Variants in PBX1 observed in about 807,000 individuals in gnomAD.
PBX1 encodes pre-B-cell leukemia transcription factor 1.
A neutral mutation model predicts 53.4 loss-of-function variants in PBX1; 6 were observed. The observed-to-expected ratio is 0.11, with a 90% CI of 0.06 to 0.22. The LOEUF is 0.22. PBX1 is among the 10% of genes least tolerant of loss of function. PBX1 has a pLI of 1.00. For missense variants in PBX1, 251 were observed against 551.4 expected, an observed-to-expected ratio of 0.46 and a Z score of 5.46; for synonymous variants, 204 against 212.3, an observed-to-expected ratio of 0.96 and a Z score of 0.34.
intron 2 of PBX1, among the ~76,000 whole-genome samples, chr1:164,711,569 C>T (rs959093092): frequency 3.3e-5 from 5 of 152,214 alleles, no homozygotes; most frequent in Admixed American, 2.6e-4. Context: ...GGCTAGTTTT[C>T]TCTTTTTGTC....
chr1:164,559,695 TC>T lies in PBX1; in HGVS notation c.-123del. The T allele has an allele frequency of 1.6e-6, 1 of 629,506 alleles. No homozygotes were observed. Among genetic ancestry groups the T allele is most frequent in the Non-Finnish European group, 2.5e-6 (1 of 395,094 alleles). The allele number at this position is 629,506 out of a possible 1,614,324, so 39.0% of individuals were successfully genotyped here. A position where few individuals can be genotyped will look rare whatever the true frequency, so the allele number is the denominator to read the frequency against. The stretch of plus-strand genomic sequence containing the variant: ...TTTTTTTTCTTTTGGTCTTCTTTTT[TC>T]CCCCTTCCCTGTTTATCCTGAAAAG... On this transcript the variant is annotated 5_prime_UTR_variant, in exon 1 of 9. Transcript: ENST00000420696.
intron 2 of PBX1, among the ~76,000 whole-genome samples, chr1:164,694,790 A>G (rs4657370): frequency 0.26 from 40,147 of 152,126 alleles, 5,455 homozygotes; most frequent in African/African-American, 0.29. Flanking sequence ...ACTTTATGCC[A>G]AGACTTATAA....
chr1:164,843,547 G>A (rs1468721018), intron 8 of PBX1, among the ~76,000 whole-genome samples: 2 of 151,936 alleles, frequency 1.3e-5, no homozygotes, highest in Non-Finnish European at 2.9e-5. Context: ...ATTTATGGTT[G>A]GAGGGGGAGT....
intron 2 of PBX1, among the ~76,000 whole-genome samples, chr1:164,710,990 C>T (rs1396728546): frequency 6.6e-6 from 1 of 152,226 alleles, no homozygotes; most frequent in Non-Finnish European, 1.5e-5. Context: ...AGGGGCAACA[C>T]AGAGTGCATC....
At chr1:164,766,758 G>C (rs988582871) in intron 2 of PBX1, among the ~76,000 whole-genome samples, 1 of 141,764 alleles carries the variant, frequency 7.1e-6, no homozygotes, top group Non-Finnish European at 1.5e-5. Flanking sequence ...TTTTGAGACA[G>C]AGTCTGGCTC....
At chr1:164,750,509 C>T (rs535251934) in intron 2 of PBX1, among the ~76,000 whole-genome samples, 2 of 152,138 alleles carry the variant, frequency 1.3e-5, no homozygotes, top group South Asian at 4.2e-4. Context: ...AAAAAATAGA[C>T]CCATAGTTGG....
At chr1:164,588,473 C>CTT (rs371768861) in intron 2 of PBX1, among the ~76,000 whole-genome samples, 11,655 of 72,166 alleles carry the variant, frequency 0.16, 2,317 homozygotes, top group Non-Finnish European at 0.24. Context: ...CCGGACTAAG[C>CTT]TTTTTTTTTT....
At chr1:164,831,246 A>G (rs9887944) in intron 8 of PBX1, among the ~76,000 whole-genome samples, 20,740 of 152,118 alleles carry the variant, frequency 0.14, 2,029 homozygotes, top group East Asian at 0.27. Context: ...ACAACAGTAC[A>G]TTTTCTCCTA....
At chr1:164,602,254 C>T (rs1448547940) in intron 2 of PBX1, among the ~76,000 whole-genome samples, 1 of 152,120 alleles carries the variant, frequency 6.6e-6, no homozygotes, top group Admixed American at 6.5e-5. Context: ...TAAGGGATGA[C>T]TAGAAAGGCT....
chr1:164,670,894 C>G (rs1661076994), intron 2 of PBX1, among the ~76,000 whole-genome samples: 1 of 152,192 alleles, frequency 6.6e-6, no homozygotes, highest in South Asian at 2.1e-4. Context: ...TTTGCAAAGG[C>G]AGCAGTGCCT....
At chr1:164,619,779 T>G (rs933781995) in intron 2 of PBX1, among the ~76,000 whole-genome samples, 2 of 152,214 alleles carry the variant, frequency 1.3e-5, no homozygotes, top group African/African-American at 4.8e-5. Flanking sequence ...AAAAAAATCC[T>G]GTTTTTAGAT....
At chr1:164,764,118 G>A (rs1666939570) in intron 2 of PBX1, among the ~76,000 whole-genome samples, 1 of 152,014 alleles carries the variant, frequency 6.6e-6, no homozygotes, top group African/African-American at 2.4e-5. Context: ...CAAGTACCTG[G>A]GCATATACTT....
chr1:164,741,949 C>T (rs545723662), intron 2 of PBX1, among the ~76,000 whole-genome samples: 2 of 151,804 alleles, frequency 1.3e-5, no homozygotes, highest in African/African-American at 4.8e-5. Flanking sequence ...TCTAGGCTTA[C>T]TATATTCTAT....
At chr1:164,809,899 A>G (rs10918073) in intron 5 of PBX1, among the ~76,000 whole-genome samples, 79,665 of 151,994 alleles carry the variant, frequency 0.52, 21,463 homozygotes, top group African/African-American at 0.62. Context: ...TGTTAGAAAT[A>G]TAAATTCTTG....
At chr1:164,704,523 C>G (rs974470178) in intron 2 of PBX1, among the ~76,000 whole-genome samples, 4 of 152,148 alleles carry the variant, frequency 2.6e-5, no homozygotes, top group African/African-American at 7.2e-5. Context: ...CTGCTAGTTA[C>G]AAGACTTATT....
chr1:164,755,810 G>A (rs1299804596), intron 2 of PBX1, among the ~76,000 whole-genome samples: 4 of 151,886 alleles, frequency 2.6e-5, no homozygotes, highest in Admixed American at 6.6e-5. Context: ...TAGCTTGAGC[G>A]TTCTGGAAAA....
chr1:164,580,767 C>T (rs971910968), intron 2 of PBX1, among the ~76,000 whole-genome samples: 4 of 147,212 alleles, frequency 2.7e-5, no homozygotes, highest in Admixed American at 6.8e-5. Context: ...TTAGTAGAGA[C>T]GGGGTTTCAC....
At chr1:164,821,732 C>T in intron 8 of PBX1, 106 bp downstream of exon 8, 1 of 813,442 alleles carries the variant, frequency 1.2e-6, no homozygotes, top group Non-Finnish European at 2.1e-6. Context: ...CTTATCTTAG[C>T]TTTACGGTCA....
At chr1:164,724,485 C>CA (rs1292152398) in intron 2 of PBX1, among the ~76,000 whole-genome samples, 38 of 151,978 alleles carry the variant, frequency 2.5e-4, no homozygotes, top group African/African-American at 8.9e-4. Flanking sequence ...AAGAAAATCA[C>CA]AAAAAAATCT....
Sources: allele counts gnomAD v4.1 joint callset (sites outside exome capture counted in the v4.1 genomes callset), GRCh38; gene constraint gnomAD v4.1.1; transcripts MANE v1.5; gene names NCBI Gene and HGNC (gene_info 2026-07-23, HGNC 2026-07-21).